Variants in UHRF1 observed in about 807,000 individuals in gnomAD.
The protein encoded by UHRF1 is ubiquitin like with PHD and ring finger domains 1.
A neutral mutation model predicts 96.5 loss-of-function variants in UHRF1; 9 were observed. The ratio of observed to expected loss-of-function variants is 0.09; its 90% CI spans 0.06 to 0.16. The LOEUF (loss-of-function observed/expected upper bound fraction) is 0.16, where lower values mean the gene tolerates loss of function less well. UHRF1 is among the 10% of genes least tolerant of loss of function. The probability of loss-of-function intolerance (pLI) is 1.00; values close to 1 mark genes in which losing one functional copy is unlikely to be tolerated. For missense variants in UHRF1, 626 were observed against 1,131.1 expected (o/e 0.55, Z 6.40); for synonymous variants, 455 against 469.9 (o/e 0.97, Z 0.41).
chr19:4,950,042 T>C (rs1452808697), intron 11 of UHRF1, among the ~76,000 whole-genome samples: 19 of 151,138 alleles, frequency 1.3e-4, no homozygotes, highest in Non-Finnish European at 4.4e-5. Flanking sequence ...GGCTATTTTT[T>C]TTTTTTTTTG....
At chr19:4,925,668 C>T (rs1485322764) in intron 2 of UHRF1, among the ~76,000 whole-genome samples, 2 of 151,912 alleles carry the variant, frequency 1.3e-5, no homozygotes, top group Non-Finnish European at 2.9e-5. Flanking sequence ...ATTACAGGCA[C>T]CCGCCACCAC....
intron 2 of UHRF1, among the ~76,000 whole-genome samples, chr19:4,925,007 A>G (rs1289665973): frequency 1.3e-5 from 2 of 151,796 alleles, no homozygotes. Flanking sequence ...TTGTATTTTT[A>G]GTAGAGACGA....
intron 9 of UHRF1, among the ~76,000 whole-genome samples, chr19:4,944,964 C>G (rs938467355): frequency 6.6e-6 from 1 of 152,184 alleles, no homozygotes; most frequent in African/African-American, 2.4e-5. Flanking sequence ...CAAGTCATGA[C>G]AACCAGAAAC....
In UHRF1 at chr19:4,947,093, T is replaced by G. The variant is rs1255367811; in HGVS notation, c.1411-12T>G. 17 of 1,611,914 alleles carry G rather than the reference T, an allele frequency of 1.1e-5. No homozygotes were observed. The highest frequency in any genetic ancestry group is 1.4e-5 in the Non-Finnish European group (16 of 1,178,712). On this transcript the variant is annotated splice_polypyrimidine_tract_variant and intron_variant, in intron 10 of 16. Coordinates refer to ENST00000650932, the MANE Select transcript of UHRF1 (RefSeq NM_001048201.3). ...CTGCAGAGGGTTCACCCAGCCTTCT[T>G]GTCTGTTTCAGGACCATGGGAATTT...
chr19:4,955,941 T>C (rs1279055551), intron 15 of UHRF1, among the ~76,000 whole-genome samples: 1 of 151,326 alleles, frequency 6.6e-6, no homozygotes, highest in Admixed American at 6.6e-5. Flanking sequence ...ATTTTTATTA[T>C]TTTTTTTTGA....
chr19:4,954,676 C>T lies in UHRF1; in HGVS notation c.1984C>T (p.Pro662Ser). 2 of 1,613,146 alleles carry T rather than the reference C, an allele frequency of 1.2e-6. No individual in the cohort carries two copies. Among genetic ancestry groups the T allele is most frequent in the Non-Finnish European group, 1.7e-6 (2 of 1,179,578 alleles). ...AGGTGGCCCGAGCAGGGCCGGGTCC[C>T]CGCGCCGGACATCCAAGAAAACCAA... The part of the protein sequence containing the change: ...AGGGPSRAGS[P>S]RRTSKKTKVE... Residue 662 changes from proline to serine, a missense_variant, in exon 15 of 17, where the codon CCG becomes TCG. Transcript: ENST00000650932. This position sits in a 1 kb window ranked among gnomAD's most constrained non-coding sequence, Gnocchi z 5.9.
chr19:4,937,068 C>T (rs1055828054), intron 5 of UHRF1, among the ~76,000 whole-genome samples: 1 of 151,840 alleles, frequency 6.6e-6, no homozygotes, highest in Non-Finnish European at 1.5e-5. Flanking sequence ...GAGTCTCGCT[C>T]TCTTTTGTTC....
intron 13 of UHRF1, among the ~76,000 whole-genome samples, chr19:4,952,040 G>C (rs1298654614): frequency 6.6e-6 from 1 of 152,194 alleles, no homozygotes; most frequent in African/African-American, 2.4e-5. Flanking sequence ...AGGAAGTAGA[G>C]AGAAAAATAG....
chr19:4,911,105 C>G (rs1220625591), intron 2 of UHRF1, 67 bp downstream of exon 2: 4 of 1,395,948 alleles, frequency 2.9e-6, no homozygotes, highest in Non-Finnish European at 9.5e-7. Flanking sequence ...AGCCACCAGC[C>G]GATACTTTCT....
chr19:4,941,129 C>T (rs532649448), intron 5 of UHRF1, among the ~76,000 whole-genome samples: 3 of 131,728 alleles, frequency 2.3e-5, no homozygotes, highest in Admixed American at 1.7e-4. Context: ...CTTGCCCTGT[C>T]GCCCAGGCTG....
chr19:4,935,593 G>C (rs1352133394), intron 5 of UHRF1, among the ~76,000 whole-genome samples: 1 of 151,596 alleles, frequency 6.6e-6, no homozygotes, highest in East Asian at 1.9e-4. Context: ...CAGTTCCCAG[G>C]GCCCACCTGC....
In UHRF1 at chr19:4,941,802, T is replaced by A. The variant is rs752673970; in HGVS notation, c.944T>A (p.Val315Asp). 8.2e-6 allele frequency: 13 copies of A among 1,577,690 alleles called. No individual in the cohort carries two copies. The highest frequency in any genetic ancestry group is 1.1e-5 in the Non-Finnish European group (13 of 1,162,136). Residue 315 changes from valine to aspartate, a missense_variant, in exon 7 of 17, where the codon GTC becomes GAC. By Grantham distance (152) the Val-to-Asp change is radical (BLOSUM62 -3). This residue lies in a region of UHRF1 where 69 missense variants were observed against 159.8 expected (regional missense o/e 0.43). Coordinates refer to ENST00000650932, the MANE Select transcript of UHRF1 (RefSeq NM_001048201.3). ...GACGACGTGAACAGACTCTGCCGGG[T>A]CTGCGCCTGCCACCTGTGCGGGGGC... ...CKDDVNRLCR[V>D]CACHLCGGRQ...
chr19:4,929,088 T>C lies in UHRF1; in HGVS notation c.154-134T>C, dbSNP rs964247806. ...GCCCCCTGGCATGGCCCAGGTATCA[T>C]GGCTCTTTACTCTGATGCAGATTGC... On this transcript the variant is annotated intron_variant, in intron 2 of 16. Transcript: ENST00000650932. 3.3e-4 allele frequency: 429 copies of C among 1,291,630 alleles called. 3 individuals are homozygous for C. Among genetic ancestry groups the C allele is most frequent in the South Asian group, 2.5e-3 (176 of 70,182 alleles). 80.0% of individuals were successfully genotyped at this position (1,291,630 alleles called of 1,614,324 possible).
At position 4,958,688 on chromosome 19, in the gene UHRF1, GAGGCC is replaced by G. The variant is rs1427318598; in HGVS notation, c.2235+1878_2235+1882del. On this transcript the variant is annotated intron_variant, in intron 16 of 16. Coordinates refer to ENST00000650932, the MANE Select transcript of UHRF1 (RefSeq NM_001048201.3). ...CTTGATCTTTTTAAATTATAAACTT[GAGGCC>G]AGCCGTGGTGGCTAATGCCTGTAAT... Among the ~76,000 whole-genome samples the G allele has an allele frequency of 2.0e-5, 3 of 152,238 alleles. No individual in the cohort carries two copies. In the East Asian group the frequency reaches 5.8e-4, roughly 29 times the overall value.
At position 4,961,487 on chromosome 19, in the gene UHRF1, T is replaced by C. The variant is rs1431243965; in HGVS notation, c.*684T>C. 1 of 152,450 alleles carries C rather than the reference T, an allele frequency of 6.6e-6. No homozygotes were observed. Among genetic ancestry groups the C allele is most frequent in the Non-Finnish European group, 1.5e-5 (1 of 68,120 alleles). 9.4% of individuals were successfully genotyped at this position (152,450 alleles called of 1,614,324 possible). On this transcript the variant is annotated 3_prime_UTR_variant, in exon 17 of 17. Transcript: ENST00000650932. ...CGCAGAAATGGCCTCAAGGGGACTC[T>C]GCTCCACGTGGGGCCAGGCGTGTGA... is the stretch of plus-strand genomic sequence containing the variant.
At chr19:4,917,123 T>C (rs1283911683) in intron 2 of UHRF1, among the ~76,000 whole-genome samples, 3 of 147,332 alleles carry the variant, frequency 2.0e-5, no homozygotes, top group Admixed American at 6.8e-5. Context: ...TTTTTTTTTT[T>C]TTTTTTTCTT....
At chr19:4,956,563 A>C in intron 15 of UHRF1, 146 bp from the exon 16 acceptor site, 1 of 644,246 alleles carries the variant, frequency 1.6e-6, no homozygotes, top group Non-Finnish European at 2.8e-6. Flanking sequence ...TTTTTCTCAG[A>C]ACGGGGACGA....
chr19:4,914,372 T>G (rs1239181916), intron 2 of UHRF1, among the ~76,000 whole-genome samples: 1 of 152,174 alleles, frequency 6.6e-6, no homozygotes, highest in Non-Finnish European at 1.5e-5. Context: ...GTTGTCCTTA[T>G]AGAATGTTCT....
chr19:4,906,579 C>G (rs1248660572), upstream of UHRF1, among the ~76,000 whole-genome samples: 2 of 152,044 alleles, frequency 1.3e-5, no homozygotes, highest in Non-Finnish European at 2.9e-5. Context: ...TGTGGTGAAA[C>G]CCCATCTCTA....
Sources: gnomAD v4.1 joint callset for allele counts (sites outside exome capture counted in the v4.1 genomes callset) on GRCh38, gnomAD v4.1.1 for gene constraint, gnomAD v4.1.1 regional missense constraint, Gnocchi (gnomAD v3.1) non-coding constraint, MANE v1.5 for transcripts, NCBI Gene and HGNC (gene_info 2026-07-23, HGNC 2026-07-21) for gene names.